ST6GALNAC5: variants seen among roughly 807,000 people sequenced by gnomAD.
ST6GALNAC5 encodes the protein alpha-N-acetylgalactosaminide alpha-2,6-sialyltransferase 5.
Under a neutral mutation model 33.6 loss-of-function variants are expected in ST6GALNAC5, and 27 were observed. That is an observed-to-expected ratio of 0.80 (90% CI 0.59 to 1.11). ST6GALNAC5 has a LOEUF of 1.11. Ranked by LOEUF, ST6GALNAC5 falls within the 50% of genes least tolerant of loss-of-function variation. The probability of loss-of-function intolerance (pLI) is 0.00; values close to 1 mark genes in which losing one functional copy is unlikely to be tolerated. For synonymous variants in ST6GALNAC5, 194 were observed against 171.2 expected (o/e 1.13, Z -1.04); for missense variants, 428 against 454.0 (o/e 0.94, Z 0.52).
chr1:76,881,271 T>G (rs929849267), intron 2 of ST6GALNAC5, among the ~76,000 whole-genome samples: 13 of 152,212 alleles, frequency 8.5e-5, no homozygotes, highest in Non-Finnish European at 1.9e-4. Context: ...TTCTTCTCCA[T>G]AAGCTCCGAG....
At chr1:77,006,326 T>TTG (rs1357565194) in intron 2 of ST6GALNAC5, among the ~76,000 whole-genome samples, 10 of 127,386 alleles carry the variant, frequency 7.9e-5, no homozygotes, top group African/African-American at 3.3e-4. Context: ...GGCTAATTTT[T>TTG]TTTTTTTTTT....
intron 2 of ST6GALNAC5, among the ~76,000 whole-genome samples, chr1:76,936,143 T>A (rs1570687552): frequency 6.6e-6 from 1 of 152,086 alleles, no homozygotes; most frequent in East Asian, 1.9e-4. Context: ...TAACAGGCAA[T>A]AGATACCTCT....
chr1:76,871,548 C>T (rs1366744122), intron 2 of ST6GALNAC5, among the ~76,000 whole-genome samples: 1 of 152,162 alleles, frequency 6.6e-6, no homozygotes, highest in East Asian at 1.9e-4. Flanking sequence ...ACCTGAATTT[C>T]ACAAATTACA....
intron 2 of ST6GALNAC5, among the ~76,000 whole-genome samples, chr1:76,886,086 T>C (rs866684169): frequency 1.3e-5 from 2 of 151,946 alleles, no homozygotes; most frequent in Non-Finnish European, 2.9e-5. Flanking sequence ...TTCCTGTCCA[T>C]AAATGGTGCA....
At chr1:77,015,050 A>AACACACACAC (rs5775372) in intron 2 of ST6GALNAC5, among the ~76,000 whole-genome samples, 102 of 122,550 alleles carry the variant, frequency 8.3e-4, no homozygotes, top group African/African-American at 1.7e-3. Context: ...CTCGCACACA[A>AACACACACAC]ACACACACAC....
intron 2 of ST6GALNAC5, among the ~76,000 whole-genome samples, chr1:76,899,912 A>G (rs1287072418): frequency 6.6e-6 from 1 of 152,142 alleles, no homozygotes; most frequent in African/African-American, 2.4e-5. Flanking sequence ...ATGGAGCAAA[A>G]TGCAGGAGGA....
At chr1:76,873,212 C>A (rs74089800) in intron 2 of ST6GALNAC5, among the ~76,000 whole-genome samples, 10,559 of 152,230 alleles carry the variant, frequency 0.069, 796 homozygotes, top group African/African-American at 0.19. Context: ...TGGTTGATTC[C>A]TTCTGGTCAT....
intron 2 of ST6GALNAC5, among the ~76,000 whole-genome samples, chr1:76,986,940 T>TCTCACTCATAGGTG (rs1553170591): frequency 6.6e-6 from 1 of 152,116 alleles, no homozygotes; most frequent in African/African-American, 2.4e-5. Flanking sequence ...CACCACATGT[T>TCTCACTCATAGGTG]CTCACTCATA....
intron 2 of ST6GALNAC5, among the ~76,000 whole-genome samples, chr1:77,007,499 G>C (rs929778530): frequency 6.6e-6 from 1 of 152,192 alleles, no homozygotes; most frequent in Non-Finnish European, 1.5e-5. Context: ...AAAAGTTTTA[G>C]GAGTGAGAAT....
At chr1:76,974,518 G>A (rs12086042) in intron 2 of ST6GALNAC5, among the ~76,000 whole-genome samples, 2 of 151,672 alleles carry the variant, frequency 1.3e-5, no homozygotes, top group African/African-American at 4.8e-5. Context: ...GTATTCTTTA[G>A]AGCTATTTCA....
intron 2 of ST6GALNAC5, among the ~76,000 whole-genome samples, chr1:76,913,986 T>G (rs1193537960): frequency 6.6e-6 from 1 of 152,164 alleles, no homozygotes; most frequent in Non-Finnish European, 1.5e-5. Context: ...ATAAGCAACT[T>G]CAGCAAAGTC....
chr1:76,943,245 A>G (rs543939448), intron 2 of ST6GALNAC5, among the ~76,000 whole-genome samples: 17 of 152,194 alleles, frequency 1.1e-4, no homozygotes, highest in Admixed American at 1.0e-3. Context: ...TACTTGCCCA[A>G]CTTTCAAGGA....
At chr1:76,966,111 A>G (rs1648464422) in intron 2 of ST6GALNAC5, among the ~76,000 whole-genome samples, 1 of 151,992 alleles carries the variant, frequency 6.6e-6, no homozygotes, top group Non-Finnish European at 1.5e-5. Flanking sequence ...GATCCATATG[A>G]ACTTTAGTTG....
intron 2 of ST6GALNAC5, among the ~76,000 whole-genome samples, chr1:76,992,367 A>G (rs1354200916): frequency 6.6e-6 from 1 of 152,222 alleles, no homozygotes; most frequent in Non-Finnish European, 1.5e-5. Flanking sequence ...ATAGGTTCTC[A>G]GTGTCTTCCT....
intron 2 of ST6GALNAC5, among the ~76,000 whole-genome samples, chr1:76,971,999 G>A (rs536817975): frequency 1.2e-4 from 19 of 152,144 alleles, no homozygotes; most frequent in East Asian, 5.8e-4. Flanking sequence ...GATCTTTCCC[G>A]AAATATTTCA....
chr1:77,036,319 G>C (rs1651644409), intron 2 of ST6GALNAC5, among the ~76,000 whole-genome samples: 1 of 152,148 alleles, frequency 6.6e-6, no homozygotes, highest in Non-Finnish European at 1.5e-5. Flanking sequence ...TGATGGAAAT[G>C]TTCTAAAATT....
chr1:76,929,712 C>G (rs976856739), intron 2 of ST6GALNAC5, among the ~76,000 whole-genome samples: 1 of 152,142 alleles, frequency 6.6e-6, no homozygotes, highest in African/African-American at 2.4e-5. Flanking sequence ...AAATACATAA[C>G]AGGTCTTGAA....
chr1:76,915,976 CA>C (rs1310754896), intron 2 of ST6GALNAC5, among the ~76,000 whole-genome samples: 17 of 149,542 alleles, frequency 1.1e-4, no homozygotes, highest in African/African-American at 4.2e-4. Context: ...TGTTTTCTAC[CA>C]AAATAAAGGT....
chr1:77,048,208 A>ATT (rs1652080664), intron 3 of ST6GALNAC5, among the ~76,000 whole-genome samples: 2 of 152,186 alleles, frequency 1.3e-5, no homozygotes, highest in Non-Finnish European at 2.9e-5. Context: ...CATCACATAA[A>ATT]ACAGAACCAG....
Sources: gnomAD v4.1 joint callset for allele counts (sites outside exome capture counted in the v4.1 genomes callset) on GRCh38, gnomAD v4.1.1 for gene constraint, MANE v1.5 for transcripts, NCBI Gene and HGNC (gene_info 2026-07-23, HGNC 2026-07-21) for gene names.